Variants in SERTAD4 observed in about 807,000 individuals in gnomAD.
SERTAD4 encodes the protein SERTA domain-containing protein 4.
In SERTAD4, 18 loss-of-function variants were observed where a neutral mutation model predicts 32.9. The observed-to-expected ratio is 0.55, with a 90% CI of 0.38 to 0.81. The LOEUF is 0.81. Among genes scored for constraint, SERTAD4 ranks in the 30% least tolerant of loss-of-function variants. The pLI, the probability that SERTAD4 is intolerant of heterozygous loss-of-function variation, is 0.00. For missense variants in SERTAD4, 383 were observed against 426.0 expected, an observed-to-expected ratio of 0.90 and a Z score of 0.89; for synonymous variants, 150 against 156.4, an observed-to-expected ratio of 0.96 and a Z score of 0.30.
At chr1:210,235,461 G>A (rs1272195228) in intron 1 of SERTAD4, among the ~76,000 whole-genome samples, 2 of 152,160 alleles carry the variant, frequency 1.3e-5, no homozygotes, top group Non-Finnish European at 2.9e-5. Context: ...GTTTTATTCA[G>A]ATTTACATAA....
intron 2 of SERTAD4, among the ~76,000 whole-genome samples, chr1:210,238,693 A>G (rs961133899): frequency 6.6e-6 from 1 of 152,236 alleles, no homozygotes; most frequent in African/African-American, 2.4e-5. Context: ...TTTGCAACCT[A>G]TGGCATAAAT....
At chr1:210,240,821 C>T (rs892117287) in intron 3 of SERTAD4, among the ~76,000 whole-genome samples, 3 of 152,144 alleles carry the variant, frequency 2.0e-5, no homozygotes, top group African/African-American at 7.2e-5. Context: ...AGTGTGTCCT[C>T]TTATCAAGCA....
In SERTAD4 at chr1:210,242,426, C is replaced by G; in HGVS notation, c.*89C>G. 1 of 1,491,772 alleles carries G rather than the reference C, an allele frequency of 6.7e-7. No homozygotes were observed. Among genetic ancestry groups the G allele is most frequent in the Non-Finnish European group, 8.9e-7 (1 of 1,125,870 alleles). The allele number at this position is 1,491,772 out of a possible 1,614,324, so 92.4% of individuals were successfully genotyped here. ...TTTGAATGGATTTTGTAGTTTTGTACAACAGATAAAATTATGCCATGAACA... is the reference window on the plus strand; with the variant it reads ...TTTGAATGGATTTTGTAGTTTTGTAGAACAGATAAAATTATGCCATGAACA... On this transcript the variant is annotated 3_prime_UTR_variant, in exon 4 of 4. Transcript: ENST00000367012. This position sits in a 1 kb window ranked among gnomAD's most constrained non-coding sequence, Gnocchi z 4.0.
chr1:210,238,021 G>A lies in SERTAD4; in HGVS notation c.61G>A (p.Glu21Lys), dbSNP rs1325904044. Residue 21 changes from glutamate to lysine, a missense_variant, in exon 2 of 4, where the codon GAA becomes AAA. Glu to Lys is a moderately conservative substitution (Grantham distance 56). This residue lies in a region of SERTAD4 where 96 missense variants were observed against 76.6 expected (regional missense o/e 1.25). Coordinates refer to ENST00000367012, the MANE Select transcript of SERTAD4 (RefSeq NM_019605.5). Reference sequence around the variant, plus strand: ...GCCCATTGTCTCGGAAGGAGCTGCTGAAATTGCTGGGTACCAAACACTATG... The same window carrying A: ...GCCCATTGTCTCGGAAGGAGCTGCTAAAATTGCTGGGTACCAAACACTATG... ...CEPIVSEGAAEIAGYQTLWEA... is the reference protein window; with the variant it reads ...CEPIVSEGAAKIAGYQTLWEA... 1.9e-6 allele frequency: 3 copies of A among 1,613,850 alleles called. No homozygotes were observed. Among genetic ancestry groups the A allele is most frequent in the Non-Finnish European group, 2.5e-6 (3 of 1,179,988 alleles).
In SERTAD4 at chr1:210,244,969, T is replaced by C. The variant is rs1014925589; in HGVS notation, c.*2632T>C. The C allele has an allele frequency of 6.6e-6, 1 of 152,168 alleles. No homozygotes were observed. Among genetic ancestry groups the C allele is most frequent in the Admixed American group, 6.5e-5 (1 of 15,270 alleles). The allele number at this position is 152,168 out of a possible 1,614,324, so 9.4% of individuals were successfully genotyped here. The stretch of plus-strand genomic sequence containing the variant: ...ATCCAAACCACAAAAATTCTCTTGT[T>C]AGTAGGCGAGAGTGCTAGGACTTCC... On this transcript the variant is annotated 3_prime_UTR_variant, in exon 4 of 4. Transcript: ENST00000367012.
intron 1 of SERTAD4, chr1:210,233,781 G>C (rs992383953): frequency 6.4e-6 from 3 of 470,850 alleles, no homozygotes; most frequent in African/African-American, 6.0e-5. Context: ...CTCGCCGCCA[G>C]GTCCCACGGG....
chr1:210,242,143 G>C lies in SERTAD4; in HGVS notation c.877G>C (p.Asp293His). 6.2e-7 allele frequency: 1 copy of C among 1,614,198 alleles called. No individual in the cohort carries two copies. The highest frequency in any genetic ancestry group is 8.5e-7 in the Non-Finnish European group (1 of 1,180,034). Residue 293 changes from aspartate (D) to histidine (H), a missense_variant, in exon 4 of 4, where the codon GAT becomes CAT. Asp to His is a moderately conservative substitution (Grantham distance 81). This residue lies in a region of SERTAD4 where 180 missense variants were observed against 190.6 expected (regional missense o/e 0.94). Coordinates refer to ENST00000367012, the MANE Select transcript of SERTAD4 (RefSeq NM_019605.5). The surrounding 1 kb of genome is among the most constrained non-coding windows in gnomAD (Gnocchi z 4.0). ...GAAAGCAAATGATGACACCAACAGA[G>C]ATGGTGGCCCCCTCAGCCACGAACC... ...DEKANDDTNR[D>H]GGPLSHEPVG...
intron 2 of SERTAD4, among the ~76,000 whole-genome samples, chr1:210,238,461 G>T (rs911829209): frequency 6.6e-6 from 1 of 152,184 alleles, no homozygotes; most frequent in Admixed American, 6.5e-5. Flanking sequence ...GAACTGTATG[G>T]TTCTCTCACA....
chr1:210,241,138 C>G (rs1423242831), intron 3 of SERTAD4, among the ~76,000 whole-genome samples: 5 of 152,124 alleles, frequency 3.3e-5, no homozygotes, highest in Non-Finnish European at 7.3e-5. Context: ...TTCCTTCTGC[C>G]GGCTTCTAAC....
chr1:210,237,412 G>A (rs2083951561), intron 1 of SERTAD4: 1 of 154,642 alleles, frequency 6.5e-6, no homozygotes, highest in Non-Finnish European at 1.4e-5. Flanking sequence ...AACGAGAGGA[G>A]GAGGGTGCAG....
At chr1:210,239,971 G>A (rs1313966965) in intron 3 of SERTAD4, among the ~76,000 whole-genome samples, 1 of 152,246 alleles carries the variant, frequency 6.6e-6, no homozygotes, top group East Asian at 1.9e-4. Flanking sequence ...TCTGAGTTCT[G>A]GCTCCTGCAG....
Position 210,244,008 on chromosome 1 carries a change from G to A in SERTAD4, c.*1671G>A, listed in dbSNP as rs974217039. 2 of 152,128 alleles carry A rather than the reference G, an allele frequency of 1.3e-5. No individual in the cohort carries two copies. Among genetic ancestry groups the A allele is most frequent in the Non-Finnish European group, 2.9e-5 (2 of 68,008 alleles). The allele number at this position is 152,128 out of a possible 1,614,324, so 9.4% of individuals were successfully genotyped here. A position where few individuals can be genotyped will look rare whatever the true frequency, so the allele number is the denominator to read the frequency against. ...TTTCAATATTTGATAAACATTTGATGTTCAAAACTTAGCTAATAGATGCTT... is the reference window on the plus strand; with the variant it reads ...TTTCAATATTTGATAAACATTTGATATTCAAAACTTAGCTAATAGATGCTT... On this transcript the variant is annotated 3_prime_UTR_variant, in exon 4 of 4. Coordinates refer to ENST00000367012, the MANE Select transcript of SERTAD4 (RefSeq NM_019605.5).
rs1027781879 is a variant in SERTAD4, at chr1:210,242,660, G to T, written c.*323G>T. 12 of 1,068,934 alleles carry T rather than the reference G, an allele frequency of 1.1e-5. No homozygotes were observed. The South Asian group carries it at 3.6e-4, about 32-fold the overall frequency. 66.2% of individuals were successfully genotyped at this position (1,068,934 alleles called of 1,614,324 possible). ...CAATATTTCCATTGCCCCCCAAGGAGCCTGTCACTAGCTAAGAAATTTCTA... is the reference window on the plus strand; with the variant it reads ...CAATATTTCCATTGCCCCCCAAGGATCCTGTCACTAGCTAAGAAATTTCTA... On this transcript the variant is annotated 3_prime_UTR_variant, in exon 4 of 4. Transcript: ENST00000367012. The surrounding 1 kb of genome is among the most constrained non-coding windows in gnomAD (Gnocchi z 4.0).
Position 210,244,761 on chromosome 1 carries a change from A to C in SERTAD4, c.*2424A>C, listed in dbSNP as rs938293863. 2 of 152,050 alleles carry C rather than the reference A, an allele frequency of 1.3e-5. No homozygotes were observed. Among genetic ancestry groups the C allele is most frequent in the Admixed American group, 6.6e-5 (1 of 15,250 alleles). The allele number at this position is 152,050 out of a possible 1,614,324, so 9.4% of individuals were successfully genotyped here. On this transcript the variant is annotated 3_prime_UTR_variant, in exon 4 of 4. Transcript: ENST00000367012. ...GGTGATTTTCAGCAGCACTCACCTG[A>C]GCTGTGAGCGCCTGCACCTGTTCGG...
chr1:210,235,419 TC>T (rs1232898343), intron 1 of SERTAD4, among the ~76,000 whole-genome samples: 3 of 152,202 alleles, frequency 2.0e-5, no homozygotes, highest in Non-Finnish European at 4.4e-5. Flanking sequence ...CAAAATCTCC[TC>T]CCCGCTCCCA....
chr1:210,233,993 T>TA (rs199811176), intron 1 of SERTAD4: 3,593 of 286,158 alleles, frequency 0.013, 23 homozygotes, highest in African/African-American at 0.031. Flanking sequence ...GGTTTTTTTT[T>TA]TAAAAAAAAA....
Position 210,238,036 on chromosome 1 carries a change from C to G in SERTAD4, c.76C>G (p.Gln26Glu). Residue 26 changes from glutamine to glutamate, a missense_variant, in exon 2 of 4, where the codon CAA becomes GAA. By Grantham distance (29) the Gln-to-Glu change is conservative. Coordinates refer to ENST00000367012, the MANE Select transcript of SERTAD4 (RefSeq NM_019605.5). Reference sequence around the variant, plus strand: ...AGGAGCTGCTGAAATTGCTGGGTACCAAACACTATGGGAGGCTGACAGCTA... The same window carrying G: ...AGGAGCTGCTGAAATTGCTGGGTACGAAACACTATGGGAGGCTGACAGCTA... ...SEGAAEIAGY[Q>E]TLWEADSYGG... is the part of the protein sequence containing the mutation. The G allele has an allele frequency of 6.2e-7, 1 of 1,614,016 alleles. No homozygotes were observed. Among genetic ancestry groups the G allele is most frequent in the Non-Finnish European group, 8.5e-7 (1 of 1,179,914 alleles).
chr1:210,243,512 G>T lies in SERTAD4; in HGVS notation c.*1175G>T, dbSNP rs1558259388. On this transcript the variant is annotated 3_prime_UTR_variant, in exon 4 of 4. Transcript: ENST00000367012. ...GAAGCACAATGTTAATAAATGATGT[G>T]GTGATCAATAAGGTTTATCTTAAAG... 6.6e-6 allele frequency: 1 copy of T among 152,100 alleles called. No homozygotes were observed. The highest frequency in any genetic ancestry group is 2.4e-5 in the African/African-American group (1 of 41,414). 9.4% of individuals were successfully genotyped at this position (152,100 alleles called of 1,614,324 possible).
At chr1:210,233,288 G>A (rs1413926544) in intron 1 of SERTAD4, among the ~76,000 whole-genome samples, 6 of 152,110 alleles carry the variant, frequency 3.9e-5, no homozygotes, top group African/African-American at 1.4e-4. Flanking sequence ...GGCGGGAACC[G>A]CCGCCTCCTC....
Sources: gnomAD v4.1 joint callset for allele counts (sites outside exome capture counted in the v4.1 genomes callset) on GRCh38, gnomAD v4.1.1 for gene constraint, gnomAD v4.1.1 regional missense constraint, Gnocchi (gnomAD v3.1) non-coding constraint, MANE v1.5 for transcripts, NCBI Gene and HGNC (gene_info 2026-07-23, HGNC 2026-07-21) for gene names.